Variants in CCDC40 observed in about 807,000 individuals in gnomAD.
CCDC40 encodes the protein coiled-coil domain 40 molecular ruler complex subunit.
In CCDC40, 104 loss-of-function variants were observed where a neutral mutation model predicts 124.5. The observed-to-expected ratio is 0.84, with a 90% CI of 0.71 to 0.98. The LOEUF (loss-of-function observed/expected upper bound fraction) is 0.98, where lower values mean the gene tolerates loss of function less well. Among genes scored for constraint, CCDC40 ranks in the 50% least tolerant of loss-of-function variants. CCDC40 has a pLI of 0.00. For missense variants in CCDC40, 1,463 were observed against 1,503.9 expected (o/e 0.97, Z 0.45); for synonymous variants, 580 against 602.9 (o/e 0.96, Z 0.56).
At chr17:80,085,354 T>C (rs932419282) in intron 13 of CCDC40, among the ~76,000 whole-genome samples, 3 of 152,226 alleles carry the variant, frequency 2.0e-5, no homozygotes, top group African/African-American at 4.8e-5. Flanking sequence ...GCACGAAATA[T>C]TCTGCTGCTC....
intron 7 of CCDC40, among the ~76,000 whole-genome samples, chr17:80,053,131 A>G (rs1412665791): frequency 6.6e-6 from 1 of 152,234 alleles, no homozygotes; most frequent in African/African-American, 2.4e-5. Context: ...GCAATAGCCA[A>G]TGTCCAGGAG....
rs185799334 is a variant in CCDC40, at chr17:80,046,517, A to G, written c.553-762A>G. Among the ~76,000 whole-genome samples, 242 of 141,862 alleles carry G rather than the reference A, an allele frequency of 1.7e-3. 1 individual carries two copies. Among genetic ancestry groups the G allele is most frequent in the Non-Finnish European group, 2.6e-3 (174 of 65,820 alleles). The allele number at this position is 141,862 out of a possible 152,430, so 93.1% of individuals were successfully genotyped here. A position where few individuals can be genotyped will look rare whatever the true frequency, so the allele number is the denominator to read the frequency against. On this transcript the variant is annotated intron_variant, in intron 3 of 19. Transcript: ENST00000397545. ...CACTGCACGCCAGTCTAGGTGGCAG[A>G]GTGAGACCCTTACTCAATAATAATA... is the stretch of plus-strand genomic sequence containing the variant.
In CCDC40 at chr17:80,097,417, AGGAGGTCCCT is replaced by A; in HGVS notation, c.3180+17_3180+26del. 1 of 1,613,710 alleles carries A rather than the reference AGGAGGTCCCT, an allele frequency of 6.2e-7. No homozygotes were observed. The highest frequency in any genetic ancestry group is 8.5e-7 in the Non-Finnish European group (1 of 1,179,840). ...CTCAAACGACAGGTAAACGTGTCCC[AGGAGGTCCCT>A]GGGGATGACGGCCATGGAACATGCC... On this transcript the variant is annotated intron_variant, in intron 19 of 19. Coordinates refer to ENST00000397545, the MANE Select transcript of CCDC40 (RefSeq NM_017950.4).
rs148660950 is a variant in CCDC40, at chr17:80,073,791, G to A, written c.1563-7755G>A. On this transcript the variant is annotated intron_variant, in intron 10 of 19. Transcript: ENST00000397545. ...GCTCATTGCAACCTCTACCTCCCGG[G>A]TTCAAGCGATTCTCCTGCCCCAGCC... Among the ~76,000 whole-genome samples the A allele has an allele frequency of 6.7e-3, 1,023 of 152,206 alleles. 21 individuals are homozygous for A. The highest frequency in any genetic ancestry group is 0.055 in the East Asian group (283 of 5,178).
intron 7 of CCDC40, among the ~76,000 whole-genome samples, chr17:80,052,776 C>T (rs572305564): frequency 5.3e-5 from 8 of 151,236 alleles, no homozygotes; most frequent in Non-Finnish European, 1.0e-4. Flanking sequence ...AAGAGGGGTA[C>T]GTGAAATTTA....
intron 7 of CCDC40, among the ~76,000 whole-genome samples, chr17:80,053,496 C>A (rs1277441049): frequency 6.6e-6 from 1 of 152,196 alleles, no homozygotes; most frequent in East Asian, 1.9e-4. Flanking sequence ...CCAGATGATG[C>A]TAACTTGCAG....
At chr17:80,048,885 A>G in intron 5 of CCDC40, 124 bp downstream of exon 5, 2 of 890,796 alleles carry the variant, frequency 2.2e-6, no homozygotes, top group Admixed American at 2.0e-5. Context: ...TCGCCTGTTC[A>G]CTGCACCGTT....
At chr17:80,063,064 G>A (rs144353810) in intron 9 of CCDC40, among the ~76,000 whole-genome samples, 190 of 152,208 alleles carry the variant, frequency 1.2e-3, no homozygotes, top group African/African-American at 4.3e-3. Context: ...GCGTGGTGGC[G>A]AGTGCCTATA....
chr17:80,054,744 C>T (rs1161236761), intron 7 of CCDC40, among the ~76,000 whole-genome samples: 1 of 152,080 alleles, frequency 6.6e-6, no homozygotes, highest in Non-Finnish European at 1.5e-5. Flanking sequence ...GAGGCCGAGG[C>T]GGGCAGATTA....
At chr17:80,093,936 G>T (rs1175072233) in intron 17 of CCDC40, among the ~76,000 whole-genome samples, 2 of 152,124 alleles carry the variant, frequency 1.3e-5, no homozygotes, top group African/African-American at 4.8e-5. Context: ...TGTTTAGGGG[G>T]TCTTTTGCCA....
intron 10 of CCDC40, among the ~76,000 whole-genome samples, chr17:80,077,569 G>A (rs907500930): frequency 2.1e-4 from 32 of 152,058 alleles, no homozygotes; most frequent in African/African-American, 7.7e-4. Context: ...CCAAGTGACT[G>A]GTTCCAATTT....
intron 17 of CCDC40, among the ~76,000 whole-genome samples, chr17:80,094,107 G>A (rs189345762): frequency 3.1e-4 from 47 of 152,130 alleles, no homozygotes; most frequent in Non-Finnish European, 6.0e-4. Flanking sequence ...GATAAAATAT[G>A]CTTATTTTAA....
intron 17 of CCDC40, chr17:80,090,587 C>T (rs1160035763): frequency 3.4e-6 from 5 of 1,490,384 alleles, no homozygotes; most frequent in Non-Finnish European, 3.6e-6. Context: ...CTTTGTGACC[C>T]TCTAACGTAT....
At chr17:80,036,972 C>T (rs1277306774) in intron 1 of CCDC40, among the ~76,000 whole-genome samples, 1 of 152,168 alleles carries the variant, frequency 6.6e-6, no homozygotes, top group East Asian at 1.9e-4. Context: ...CCCTCTAAAA[C>T]CCGGGACCGC....
chr17:80,096,859 C>A (rs1256039522), intron 18 of CCDC40, among the ~76,000 whole-genome samples: 4 of 152,260 alleles, frequency 2.6e-5, no homozygotes, highest in Non-Finnish European at 4.4e-5. Flanking sequence ...AGCCTCGCTC[C>A]TCCCTCAGCA....
rs536804940 is a variant in CCDC40, at chr17:80,087,912, C to A, written c.2620-99C>A. 1 of 1,279,638 alleles carries A rather than the reference C, an allele frequency of 7.8e-7. No individual in the cohort carries two copies. Among genetic ancestry groups the A allele is most frequent in the Admixed American group, 1.7e-5 (1 of 59,426 alleles). The allele number at this position is 1,279,638 out of a possible 1,614,324, so 79.3% of individuals were successfully genotyped here. ...CTTGTAGGGGTATTAGAAATCCAGC[C>A]TGCAGCCCTGCCCTCGGTGCCGGGA... On this transcript the variant is annotated intron_variant, in intron 15 of 19. Transcript: ENST00000397545. This position sits in a 1 kb window ranked among gnomAD's most constrained non-coding sequence, Gnocchi z 4.5.
intron 3 of CCDC40, among the ~76,000 whole-genome samples, chr17:80,044,295 A>T (rs1236508423): frequency 6.6e-6 from 1 of 152,204 alleles, no homozygotes; most frequent in Non-Finnish European, 1.5e-5. Flanking sequence ...ACTTTGGAGA[A>T]CAGCATGATT....
At position 80,099,653 on chromosome 17, in the gene CCDC40, C is replaced by T. The variant is rs1466740270; in HGVS notation, c.3307C>T (p.Arg1103Ter). Residue 1103 changes from arginine (R) to a stop codon, truncating the protein, a stop_gained, in exon 20 of 20, where the codon CGA (arginine) becomes TGA (stop). Transcript: ENST00000397545. LOFTEE classifies it low-confidence loss of function (END_TRUNC). ...GCTGGAGCGCCAGCGCCTGGACAAG[C>T]GACTGGCTCTCATCGCCACCATCCT... ...LVLERQRLDKRLALIATILDR... is the reference protein window; with the variant it reads ...LVLERQRLDK 4.3e-6 allele frequency: 7 copies of T among 1,613,878 alleles called. No individual in the cohort carries two copies. The highest frequency in any genetic ancestry group is 5.9e-6 in the Non-Finnish European group (7 of 1,180,016).
chr17:80,038,564 C>T (rs111790619), intron 2 of CCDC40, among the ~76,000 whole-genome samples: 34,897 of 151,842 alleles, frequency 0.23, 4,127 homozygotes, highest in African/African-American at 0.26. Context: ...CGGTGACTCA[C>T]GCCTGTAATT....
Sources: allele counts gnomAD v4.1 joint callset (sites outside exome capture counted in the v4.1 genomes callset), GRCh38; gene constraint gnomAD v4.1.1; non-coding constraint Gnocchi (gnomAD v3.1); transcripts MANE v1.5; gene names NCBI Gene and HGNC (gene_info 2026-07-23, HGNC 2026-07-21).